The following UVRAG variants were observed in gnomAD, a reference collection of about 807,000 sequenced individuals.
The protein encoded by UVRAG is UV radiation resistance-associated gene protein.
In UVRAG, 19 loss-of-function variants were observed where a neutral mutation model predicts 78.0. The ratio of observed to expected loss-of-function variants is 0.24; its 90% CI spans 0.17 to 0.36. The LOEUF (loss-of-function observed/expected upper bound fraction) is 0.36. Among genes scored for constraint, UVRAG ranks in the 10% least tolerant of loss-of-function variants. The probability of loss-of-function intolerance (pLI) is 1.00; values close to 1 mark genes in which losing one functional copy is unlikely to be tolerated. For missense variants in UVRAG, 740 were observed against 853.8 expected, an observed-to-expected ratio of 0.87 and a Z score of 1.66; for synonymous variants, 323 against 324.6, an observed-to-expected ratio of 1.00 and a Z score of 0.05.
intron 14 of UVRAG, among the ~76,000 whole-genome samples, chr11:76,135,494 T>C (rs978155532): frequency 3.0e-4 from 45 of 152,040 alleles, no homozygotes; most frequent in Non-Finnish European, 1.5e-5. Context: ...CCCCAGGAAA[T>C]ACTTTTTTAC....
intron 3 of UVRAG, among the ~76,000 whole-genome samples, chr11:75,867,143 C>T (rs1158762826): frequency 6.6e-6 from 1 of 152,178 alleles, no homozygotes; most frequent in Non-Finnish European, 1.5e-5. Flanking sequence ...TCTGTGCTTT[C>T]TGCCTACACA....
intron 13 of UVRAG, among the ~76,000 whole-genome samples, chr11:76,100,233 A>T (rs1438694296): frequency 2.6e-5 from 4 of 152,164 alleles, no homozygotes; most frequent in Non-Finnish European, 5.9e-5. Flanking sequence ...GTCAGAAATG[A>T]TTCTTCAGTG....
At chr11:76,027,941 C>T (rs1256326557) in intron 12 of UVRAG, among the ~76,000 whole-genome samples, 1 of 151,532 alleles carries the variant, frequency 6.6e-6, no homozygotes, top group South Asian at 2.1e-4. Flanking sequence ...TGTCTGTTTA[C>T]AGGCATACCT....
intron 6 of UVRAG, among the ~76,000 whole-genome samples, chr11:75,934,230 A>T (rs936181845): frequency 6.6e-6 from 1 of 152,226 alleles, no homozygotes; most frequent in Non-Finnish European, 1.5e-5. Flanking sequence ...ATGTGAAATA[A>T]GTCAAGCACA....
intron 1 of UVRAG, among the ~76,000 whole-genome samples, chr11:75,851,402 A>G (rs905539306): frequency 1.3e-5 from 2 of 152,014 alleles, no homozygotes; most frequent in Non-Finnish European, 2.9e-5. Context: ...CACTATTTTT[A>G]TTTTTTGGCT....
At chr11:75,894,531 G>A (rs565824205) in intron 5 of UVRAG, among the ~76,000 whole-genome samples, 29 of 152,094 alleles carry the variant, frequency 1.9e-4, no homozygotes, top group Non-Finnish European at 3.1e-4. Flanking sequence ...TTGGTCAAGT[G>A]TACATGTTAA....
Position 76,004,226 on chromosome 11 carries a change from C to T in UVRAG, c.911+137C>T, listed in dbSNP as rs1565115107. ...CAGTACCACATTCGTTTATTCAACA[C>T]ATATTCATTAATTAAGCACCTACTG... On this transcript the variant is annotated intron_variant, in intron 9 of 14. Transcript: ENST00000356136. 11 of 777,588 alleles carry T rather than the reference C, an allele frequency of 1.4e-5. No individual in the cohort carries two copies. In the South Asian group the frequency reaches 1.8e-4, roughly 13 times the overall value. 48.2% of individuals were successfully genotyped at this position (777,588 alleles called of 1,614,324 possible).
chr11:75,841,802 G>A (rs1214546342), intron 1 of UVRAG, among the ~76,000 whole-genome samples: 1 of 152,160 alleles, frequency 6.6e-6, no homozygotes, highest in East Asian at 1.9e-4. Flanking sequence ...AGACTAAAAT[G>A]GTTAGACTCT....
intron 14 of UVRAG, 81 bp downstream of exon 14, chr11:76,116,096 C>T: frequency 1.5e-6 from 2 of 1,311,716 alleles, no homozygotes; most frequent in Non-Finnish European, 2.2e-6. Context: ...CACATTGCTC[C>T]ACACCTGCCT....
chr11:76,087,701 T>C (rs1951614750), intron 13 of UVRAG, among the ~76,000 whole-genome samples: 1 of 152,214 alleles, frequency 6.6e-6, no homozygotes, highest in African/African-American at 2.4e-5. Context: ...TTGATCCTTA[T>C]AGCATTCCTT....
At chr11:75,886,852 ATT>A (rs111413713) in intron 4 of UVRAG, among the ~76,000 whole-genome samples, 8 of 144,442 alleles carry the variant, frequency 5.5e-5, no homozygotes, top group Non-Finnish European at 7.7e-5. Flanking sequence ...CGGCAGAAGA[ATT>A]TTTTTTTTTT....
intron 14 of UVRAG, among the ~76,000 whole-genome samples, chr11:76,118,318 T>A (rs535104039): frequency 6.6e-6 from 1 of 152,162 alleles, no homozygotes; most frequent in Admixed American, 6.5e-5. Context: ...TTCTCTTGGA[T>A]TTTTTGTGTA....
intron 8 of UVRAG, among the ~76,000 whole-genome samples, chr11:75,997,477 T>C (rs12790383): frequency 0.023 from 3,505 of 152,308 alleles, 53 homozygotes; most frequent in Non-Finnish European, 0.038. Context: ...GAGTAGAACA[T>C]TGATATATGC....
chr11:75,853,603 T>C (rs1046561102), intron 2 of UVRAG, among the ~76,000 whole-genome samples: 1 of 150,902 alleles, frequency 6.6e-6, no homozygotes, highest in African/African-American at 2.4e-5. Context: ...TCTGCCTGCC[T>C]TGGCCTTCCA....
At chr11:75,999,288 G>T (rs1472646204) in intron 8 of UVRAG, among the ~76,000 whole-genome samples, 3 of 151,910 alleles carry the variant, frequency 2.0e-5, no homozygotes, top group African/African-American at 7.3e-5. Flanking sequence ...GTGTTTGTGG[G>T]CTTATAGCAT....
At chr11:75,964,609 G>A (rs551150322) in intron 7 of UVRAG, among the ~76,000 whole-genome samples, 202 of 152,238 alleles carry the variant, frequency 1.3e-3, no homozygotes, top group African/African-American at 4.7e-3. Context: ...CTTTTAATAA[G>A]TATCAGTTTA....
At chr11:76,077,430 T>C (rs1442598505) in intron 13 of UVRAG, among the ~76,000 whole-genome samples, 1 of 152,144 alleles carries the variant, frequency 6.6e-6, no homozygotes, top group African/African-American at 2.4e-5. Context: ...TTGCTGAAAG[T>C]GTAAATTGAT....
At chr11:76,010,242 T>A (rs1307001245) in intron 11 of UVRAG, among the ~76,000 whole-genome samples, 1 of 152,178 alleles carries the variant, frequency 6.6e-6, no homozygotes, top group African/African-American at 2.4e-5. Flanking sequence ...ACATTATTCA[T>A]TGAAAAAAAT....
intron 13 of UVRAG, among the ~76,000 whole-genome samples, chr11:76,068,039 C>T (rs1384137315): frequency 6.6e-6 from 1 of 152,154 alleles, no homozygotes; most frequent in Non-Finnish European, 1.5e-5. Context: ...GCCTGTATTT[C>T]CTCATATATT....
Sources: gnomAD v4.1 joint callset for allele counts (sites outside exome capture counted in the v4.1 genomes callset) on GRCh38, gnomAD v4.1.1 for gene constraint, MANE v1.5 for transcripts, NCBI Gene and HGNC (gene_info 2026-07-23, HGNC 2026-07-21) for gene names.